Variants in RFC5 observed in about 807,000 individuals in gnomAD.
The protein encoded by RFC5 is replication factor C subunit 5.
Under a neutral mutation model 44.3 loss-of-function variants are expected in RFC5, and 26 were observed. The observed-to-expected ratio is 0.59, with a 90% CI of 0.43 to 0.81. The LOEUF (loss-of-function observed/expected upper bound fraction) is 0.81. RFC5 is among the 40% of genes least tolerant of loss of function. The pLI is 0.00. For missense variants in RFC5, 328 were observed against 418.6 expected (o/e 0.78, Z 1.89); for synonymous variants, 155 against 155.2 (o/e 1.00, Z 0.01).
At chr12:118,026,845 G>GT (rs1566127426) in intron 7 of RFC5, 44 bp from the exon 8 acceptor site, 3 of 1,591,410 alleles carry the variant, frequency 1.9e-6, no homozygotes, top group Non-Finnish European at 1.7e-6. Flanking sequence ...GGTGGCAGCT[G>GT]TGACAGCCAC....
At chr12:118,036,900 G>A (rs942066723), downstream of RFC5, among the ~76,000 whole-genome samples, 9 of 152,168 alleles carry the variant, frequency 5.9e-5, no homozygotes, top group Admixed American at 5.2e-4. Flanking sequence ...AAATGTCAGC[G>A]GCCAGGCACG....
intron 1 of RFC5, chr12:118,018,104 C>A: frequency 1.5e-6 from 1 of 680,812 alleles, no homozygotes; most frequent in South Asian, 1.6e-5. Flanking sequence ...TTCTTTCACT[C>A]AGGATCATGT....
rs1423924776 is a variant in RFC5, at chr12:118,019,265, T to G, written c.130+129T>G. On this transcript the variant is annotated intron_variant, in intron 2 of 10. Coordinates refer to ENST00000454402, the MANE Select transcript of RFC5 (RefSeq NM_007370.7). The surrounding 1 kb of genome is among the most constrained non-coding windows in gnomAD (Gnocchi z 4.2). ...CGCTTTGTAGAATGTGGCTTTAAGA[T>G]CATTCATTCATTTTCTTCAGGTTGC... is the stretch of plus-strand genomic sequence containing the variant. The G allele has an allele frequency of 1.4e-6, 1 of 739,608 alleles. No homozygotes were observed. The highest frequency in any genetic ancestry group is 1.7e-5 in the African/African-American group (1 of 57,598). The allele number at this position is 739,608 out of a possible 1,614,324, so 45.8% of individuals were successfully genotyped here.
chr12:118,018,130 A>G, intron 1 of RFC5: 1 of 645,798 alleles, frequency 1.5e-6, no homozygotes, highest in South Asian at 1.8e-5. Context: ...AGGTTCATGC[A>G]TGTTGCTGCT....
chr12:118,019,039 A>G lies in RFC5; in HGVS notation c.66-33A>G, dbSNP rs770689162. On this transcript the variant is annotated intron_variant, in intron 1 of 10. Coordinates refer to ENST00000454402, the MANE Select transcript of RFC5 (RefSeq NM_007370.7). This position sits in a 1 kb window ranked among gnomAD's most constrained non-coding sequence, Gnocchi z 4.2. The stretch of plus-strand genomic sequence containing the variant: ...GCACATAAAATATTCTTGCATTTAT[A>G]TATGTCATAATACATACTAAATTGT... 6 of 1,446,228 alleles carry G rather than the reference A, an allele frequency of 4.1e-6. No homozygotes were observed. The highest frequency in any genetic ancestry group is 5.8e-6 in the Non-Finnish European group (6 of 1,028,120). 89.6% of individuals were successfully genotyped at this position (1,446,228 alleles called of 1,614,324 possible).
chr12:118,039,849 T>C, the RFC5 span, among the ~76,000 whole-genome samples: 1 of 151,748 alleles, frequency 6.6e-6, no homozygotes, highest in African/African-American at 2.4e-5. Context: ...GTTCAAGCGA[T>C]TCTCCTGCCT....
chr12:118,022,713 C>T (rs1252638047), intron 5 of RFC5, among the ~76,000 whole-genome samples: 1 of 152,146 alleles, frequency 6.6e-6, no homozygotes, highest in African/African-American at 2.4e-5. Context: ...GATCCGCCCG[C>T]CTCGGCTTCC....
chr12:118,021,045 A>AAAAAATTAACCCATATC, intron 4 of RFC5, 60 bp downstream of exon 4: 1 of 1,050,256 alleles, frequency 9.5e-7, no homozygotes, highest in Non-Finnish European at 1.5e-6. Flanking sequence ...GATATGGGTT[A>AAAAAATTAACCCATATC]ATTTTTTAAT....
In RFC5 at chr12:118,020,935, C is replaced by A; in HGVS notation, c.297C>A (p.Asp99Glu). ...ELNASDDRGIDIIRGPILSFA... is the reference protein window; with the variant it reads ...ELNASDDRGIEIIRGPILSFA... ...ATGCTTCAGATGACCGAGGAATAGACATCATTCGAGGACCGATCCTGAGCT... is the reference window on the plus strand; with the variant it reads ...ATGCTTCAGATGACCGAGGAATAGAAATCATTCGAGGACCGATCCTGAGCT... Residue 99 changes from aspartate to glutamate, a missense_variant, in exon 4 of 11, where the codon GAC (aspartate) becomes GAA (glutamate). Physicochemically the swap from Asp to Glu is conservative, Grantham distance 45. Transcript: ENST00000454402. 2 of 1,612,372 alleles carry A rather than the reference C, an allele frequency of 1.2e-6. No individual in the cohort carries two copies. Among genetic ancestry groups the A allele is most frequent in the Non-Finnish European group, 1.7e-6 (2 of 1,178,630 alleles).
intron 5 of RFC5, 28 bp from the exon 6 acceptor site, chr12:118,024,823 A>G: frequency 6.3e-7 from 1 of 1,586,226 alleles, no homozygotes; most frequent in South Asian, 1.1e-5. Flanking sequence ...GGACTTTGAC[A>G]TGAGGTGGTT....
downstream of RFC5, chr12:118,034,574 G>GCTCTCTCT (rs368693869): frequency 5.6e-3 from 2,953 of 529,452 alleles, 60 homozygotes; most frequent in African/African-American, 0.051. Context: ...ATACCAAAGC[G>GCTCTCTCT]CTCTCTCTGT....
intron 8 of RFC5, 192 bp downstream of exon 8, chr12:118,027,210 G>A (rs1472440792): frequency 3.4e-6 from 2 of 580,628 alleles, no homozygotes; most frequent in Non-Finnish European, 6.1e-6. Context: ...TCTTCTTGGA[G>A]GGCTCTGACC....
chr12:118,021,074 A>G, intron 4 of RFC5, 89 bp downstream of exon 4: 1 of 718,738 alleles, frequency 1.4e-6, no homozygotes, highest in East Asian at 2.7e-5. Context: ...TAGCCAGTTT[A>G]TATGGGTTGA....
At chr12:118,029,933 A>G in intron 10 of RFC5, 108 bp downstream of exon 10, 1 of 816,664 alleles carries the variant, frequency 1.2e-6, no homozygotes. Flanking sequence ...AATCGTTCAC[A>G]TACGGTACAA....
chr12:118,025,938 T>C (rs935469887), intron 7 of RFC5, 110 bp downstream of exon 7: 5 of 671,348 alleles, frequency 7.4e-6, no homozygotes, highest in Non-Finnish European at 1.0e-5. Context: ...AACCTCCGCC[T>C]CCTGGGTTCA....
intron 6 of RFC5, 55 bp from the exon 7 acceptor site, chr12:118,025,692 T>A: frequency 1.0e-6 from 1 of 984,744 alleles, no homozygotes. Context: ...GTTCCTTTGG[T>A]GAATGCTGGT....
chr12:118,027,877 C>T, intron 8 of RFC5, 76 bp from the exon 9 acceptor site: 2 of 881,712 alleles, frequency 2.3e-6, no homozygotes, highest in South Asian at 2.8e-5. Flanking sequence ...AAGTCTCTTG[C>T]CCGGGTTTGG....
rs2030986004 is a variant in RFC5, at chr12:118,026,932, A to G, written c.707A>G (p.Tyr236Cys). The change falls in exon 8 of 11, where the codon TAC becomes TGC. Residue 236 changes from tyrosine (Y) to cysteine (C), a missense_variant. Transcript: ENST00000454402. ...AFGKVTEETVYTCTGHPLKSD... is the reference protein window; with the variant it reads ...AFGKVTEETVCTCTGHPLKSD... ...GGGAAGGTGACAGAGGAGACTGTCT[A>G]CACCTGCACCGGGCACCCGCTCAAG... 2 of 1,614,048 alleles carry G rather than the reference A, an allele frequency of 1.2e-6. No homozygotes were observed. Among genetic ancestry groups the G allele is most frequent in the East Asian group, 4.5e-5 (2 of 44,864 alleles).
At chr12:118,029,511 G>C (rs1417864700) in intron 9 of RFC5, among the ~76,000 whole-genome samples, 1 of 152,222 alleles carries the variant, frequency 6.6e-6, no homozygotes, top group Non-Finnish European at 1.5e-5. Flanking sequence ...TAAGAGCAGT[G>C]TGATCTTTGG....
Sources: gnomAD v4.1 joint callset for allele counts (sites outside exome capture counted in the v4.1 genomes callset) on GRCh38, gnomAD v4.1.1 for gene constraint, Gnocchi (gnomAD v3.1) non-coding constraint, MANE v1.5 for transcripts, NCBI Gene and HGNC (gene_info 2026-07-23, HGNC 2026-07-21) for gene names.